The following DCDC1 variants were observed in gnomAD, a reference collection of about 807,000 sequenced individuals.
DCDC1 encodes doublecortin domain-containing protein 1.
A neutral mutation model predicts 178.3 loss-of-function variants in DCDC1; 200 were observed. The ratio of observed to expected loss-of-function variants is 1.12; its 90% CI spans 1.00 to 1.26. The LOEUF (loss-of-function observed/expected upper bound fraction) is 1.26, where lower values mean the gene tolerates loss of function less well. DCDC1 is among the 50% of genes most tolerant of loss of function. The pLI is 0.00. For missense variants in DCDC1, 1,983 were observed against 1,749.2 expected, an observed-to-expected ratio of 1.13 and a Z score of -2.38; for synonymous variants, 690 against 604.8, an observed-to-expected ratio of 1.14 and a Z score of -2.07.
At chr11:31,300,094 G>C (rs189611896) in intron 6 of DCDC1, among the ~76,000 whole-genome samples, 2 of 152,026 alleles carry the variant, frequency 1.3e-5, no homozygotes, top group Non-Finnish European at 1.5e-5. Flanking sequence ...TTGACCTCAC[G>C]ATTTGCTTGC....
At chr11:31,246,802 A>C (rs1209696577) in intron 8 of DCDC1, among the ~76,000 whole-genome samples, 3 of 152,062 alleles carry the variant, frequency 2.0e-5, no homozygotes, top group Non-Finnish European at 4.4e-5. Flanking sequence ...GCTGCTGTGT[A>C]CTTTTGTTTA....
At chr11:31,192,479 G>A (rs1325972972) in intron 9 of DCDC1, among the ~76,000 whole-genome samples, 2 of 152,042 alleles carry the variant, frequency 1.3e-5, no homozygotes, top group Non-Finnish European at 2.9e-5. Context: ...GTAAGCCACT[G>A]CTCTTTGACA....
chr11:31,155,573 C>T (rs1459151098), intron 9 of DCDC1, among the ~76,000 whole-genome samples: 3 of 152,188 alleles, frequency 2.0e-5, no homozygotes, highest in African/African-American at 7.2e-5. Flanking sequence ...CATTATGTGT[C>T]AAGGTTAGGA....
chr11:30,947,483 T>C (rs554865889), intron 21 of DCDC1, among the ~76,000 whole-genome samples: 1 of 152,240 alleles, frequency 6.6e-6, no homozygotes, highest in Non-Finnish European at 1.5e-5. Context: ...CTTCAATAAA[T>C]GGTGCTGGGG....
At chr11:31,172,383 A>G (rs1226593933) in intron 9 of DCDC1, among the ~76,000 whole-genome samples, 1 of 152,090 alleles carries the variant, frequency 6.6e-6, no homozygotes, top group African/African-American at 2.4e-5. Context: ...AAAGCCATTT[A>G]TTTTTTAATT....
rs561872749 is a variant in DCDC1 at position 30,987,795 on chromosome 11, G to GT, written c.2592-35228dup. Among the ~76,000 whole-genome samples the GT allele has an allele frequency of 1.4e-4, 21 of 152,114 alleles. No individual in the cohort carries two copies. The South Asian group carries it at 4.4e-3, about 32-fold the overall frequency. On this transcript the variant is annotated intron_variant, in intron 20 of 38. Transcript: ENST00000684477. Reference sequence around the variant, plus strand: ...TGTAAACTTTCTTAAAACATTATAAGTTTTTTTGCATTTTTTTTTCTCATC... The same window carrying GT: ...TGTAAACTTTCTTAAAACATTATAAGTTTTTTTTGCATTTTTTTTTCTCATC...
At chr11:30,987,907 A>C (rs142826547) in intron 20 of DCDC1, among the ~76,000 whole-genome samples, 106 of 152,320 alleles carry the variant, frequency 7.0e-4, no homozygotes, top group Admixed American at 4.4e-3. Context: ...GGAAGCCAAA[A>C]AATTGGATGC....
chr11:31,063,624 A>G (rs1490948471), intron 20 of DCDC1, among the ~76,000 whole-genome samples: 4 of 152,104 alleles, frequency 2.6e-5, no homozygotes, highest in Non-Finnish European at 5.9e-5. Context: ...CATGCTGATA[A>G]TCCCATCACT....
chr11:31,361,789 T>C (rs1951722083), intron 1 of DCDC1, among the ~76,000 whole-genome samples: 1 of 152,184 alleles, frequency 6.6e-6, no homozygotes, highest in Non-Finnish European at 1.5e-5. Flanking sequence ...CCCCTAATCA[T>C]TTAAAATGCT....
rs1342181236 is a variant in DCDC1, at chr11:30,905,131, G to T, written c.4138C>A (p.Leu1380Ile). The T allele has an allele frequency of 1.9e-6, 3 of 1,610,126 alleles. No homozygotes were observed. The highest frequency in any genetic ancestry group is 2.5e-6 in the Non-Finnish European group (3 of 1,177,720). ...AATAGACGTGCTTGGTAGTAACTTA[G>T]AGTTTTTTCAGCCTTGTCACACGAC... The part of the protein sequence containing the change: ...DLSCDKAEKT[L>I]SYYQARLLSL... Residue 1380 changes from leucine to isoleucine, a missense_variant, in exon 31 of 39, where the codon CTA (leucine) becomes ATA (isoleucine). Leu to Ile is a conservative substitution (Grantham distance 5). Coordinates refer to ENST00000684477, the MANE Select transcript of DCDC1 (RefSeq NM_001387274.1).
intron 8 of DCDC1, among the ~76,000 whole-genome samples, chr11:31,257,440 CTCTA>C (rs1420911991): frequency 6.6e-6 from 1 of 152,088 alleles, no homozygotes; most frequent in Admixed American, 6.6e-5. Context: ...AAAAGGAACA[CTCTA>C]TCTTCTTCAG....
In DCDC1 at chr11:31,339,432, C is replaced by T. The variant is rs958716834; in HGVS notation, c.-124-3868G>A. Among the ~76,000 whole-genome samples the T allele has an allele frequency of 7.2e-5, 11 of 152,200 alleles. No individual in the cohort carries two copies. In the East Asian group the frequency reaches 7.7e-4, roughly 11 times the overall value. Reference sequence around the variant, plus strand: ...GGAATAAATTTCTATTGTTTGTATACGATTCAGCCTAAGGTATTTTGTTAT... The same window carrying T: ...GGAATAAATTTCTATTGTTTGTATATGATTCAGCCTAAGGTATTTTGTTAT... On this transcript the variant is annotated intron_variant, in intron 1 of 38. Transcript: ENST00000684477.
intron 3 of DCDC1, among the ~76,000 whole-genome samples, chr11:31,314,197 A>G (rs1468777158): frequency 6.6e-6 from 1 of 152,180 alleles, no homozygotes; most frequent in East Asian, 1.9e-4. Context: ...TCAATTTATC[A>G]TTGCATTATT....
chr11:31,011,167 T>TA (rs1050210529), intron 20 of DCDC1, among the ~76,000 whole-genome samples: 2 of 151,958 alleles, frequency 1.3e-5, no homozygotes, highest in African/African-American at 2.4e-5. Context: ...ATTGAGCAAT[T>TA]AAAAAAAATC....
rs369615677 is a variant in DCDC1 at position 31,191,238 on chromosome 11, C to T, written c.1221+50212G>A. Among the ~76,000 whole-genome samples, 31 of 152,138 alleles carry T rather than the reference C, an allele frequency of 2.0e-4. No homozygotes were observed. In the East Asian group the frequency reaches 6.0e-3, roughly 29 times the overall value. ...CTAACAATTTTTGATCCATGGTTGG[C>T]TGAATCCATGGATGTGGAACCCATG... On this transcript the variant is annotated intron_variant, in intron 9 of 38. Coordinates refer to ENST00000684477, the MANE Select transcript of DCDC1 (RefSeq NM_001387274.1).
intron 21 of DCDC1, among the ~76,000 whole-genome samples, chr11:30,937,813 G>A (rs1157305491): frequency 6.6e-6 from 1 of 152,038 alleles, no homozygotes; most frequent in East Asian, 1.9e-4. Flanking sequence ...TGGACTTACA[G>A]CCTCTCAGGA....
At chr11:30,995,554 T>C (rs955984883) in intron 20 of DCDC1, among the ~76,000 whole-genome samples, 1 of 151,996 alleles carries the variant, frequency 6.6e-6, no homozygotes, top group African/African-American at 2.4e-5. Context: ...AGTGCAAGGA[T>C]AGAAATAAAA....
intron 36 of DCDC1, among the ~76,000 whole-genome samples, chr11:30,890,399 C>T (rs1370322802): frequency 6.6e-6 from 1 of 152,144 alleles, no homozygotes; most frequent in Middle Eastern, 3.2e-3. Flanking sequence ...CATTTTTCTG[C>T]TTAAGGTGTT....
At chr11:31,057,265 A>AAGGAAGGG (rs1955645744) in intron 20 of DCDC1, among the ~76,000 whole-genome samples, 1 of 128,224 alleles carries the variant, frequency 7.8e-6, no homozygotes, top group African/African-American at 3.0e-5. Context: ...GGAAGGAAGG[A>AAGGAAGGG]AGGGAGGGAG....
Sources: allele counts gnomAD v4.1 joint callset (sites outside exome capture counted in the v4.1 genomes callset), GRCh38; gene constraint gnomAD v4.1.1; transcripts MANE v1.5; gene names NCBI Gene and HGNC (gene_info 2026-07-23, HGNC 2026-07-21).